GREB1L: variants seen among roughly 807,000 people sequenced by gnomAD.
The protein encoded by GREB1L is GREB1 like retinoic acid receptor coactivator, also known as GREB1-like protein.
In GREB1L, 17 loss-of-function variants were observed where a neutral mutation model predicts 200.8. That is an observed-to-expected ratio of 0.08 (90% confidence interval 0.06 to 0.13). The LOEUF (loss-of-function observed/expected upper bound fraction) is 0.13, where lower values mean the gene tolerates loss of function less well. GREB1L is among the 10% of genes least tolerant of loss of function. The probability of loss-of-function intolerance (pLI) is 1.00; values close to 1 mark genes in which losing one functional copy is unlikely to be tolerated. For missense variants in GREB1L, 1,657 were observed against 2,367.7 expected, an observed-to-expected ratio of 0.70 and a Z score of 6.23; for synonymous variants, 789 against 893.0, an observed-to-expected ratio of 0.88 and a Z score of 2.08.
intron 1 of GREB1L, among the ~76,000 whole-genome samples, chr18:21,306,806 A>AT (rs2144748843): frequency 6.6e-6 from 1 of 152,370 alleles, no homozygotes; most frequent in Admixed American, 6.5e-5. Context: ...TAAATTGGGC[A>AT]TATGCCTATG....
At chr18:21,384,589 A>G (rs1206019271) in intron 4 of GREB1L, among the ~76,000 whole-genome samples, 186 bp downstream of exon 4, 2 of 152,238 alleles carry the variant, frequency 1.3e-5, no homozygotes, top group East Asian at 3.8e-4. Flanking sequence ...TAAGAAAGAC[A>G]AGTATTATCA....
intron 1 of GREB1L, among the ~76,000 whole-genome samples, chr18:21,309,519 A>T (rs1336129656): frequency 6.6e-6 from 1 of 152,204 alleles, no homozygotes; most frequent in East Asian, 1.9e-4. Flanking sequence ...CAACTGGGGC[A>T]CTGCACGATG....
chr18:21,458,259 C>T (rs2034869419), intron 15 of GREB1L, among the ~76,000 whole-genome samples: 1 of 152,114 alleles, frequency 6.6e-6, no homozygotes, highest in East Asian at 1.9e-4. Context: ...GTGTGAGCCA[C>T]CGCGCCCGGC....
intron 1 of GREB1L, among the ~76,000 whole-genome samples, chr18:21,252,515 C>T (rs139098978): frequency 0.014 from 1,944 of 143,866 alleles, 45 homozygotes; most frequent in African/African-American, 0.049. Flanking sequence ...CGAGATCGCA[C>T]CATTGCACTC....
At chr18:21,316,298 G>A (rs2038867789) in intron 1 of GREB1L, among the ~76,000 whole-genome samples, 1 of 152,018 alleles carries the variant, frequency 6.6e-6, no homozygotes, top group Non-Finnish European at 1.5e-5. Flanking sequence ...TTATTTATTG[G>A]CAAAAGTAGG....
chr18:21,329,351 A>G (rs1450300907), intron 1 of GREB1L, among the ~76,000 whole-genome samples: 1 of 151,122 alleles, frequency 6.6e-6, no homozygotes, highest in Non-Finnish European at 1.5e-5. Context: ...AAAAAATTGT[A>G]ATGGACCATA....
chr18:21,451,179 TG>T, intron 13 of GREB1L, 28 bp downstream of exon 13: 2 of 1,549,414 alleles, frequency 1.3e-6, no homozygotes, highest in Non-Finnish European at 8.7e-7. Context: ...TTGGCAACAC[TG>T]GCAGCCCCTA....
At chr18:21,502,832 G>A (rs1433141504) in intron 23 of GREB1L, among the ~76,000 whole-genome samples, 4 of 152,188 alleles carry the variant, frequency 2.6e-5, no homozygotes, top group Non-Finnish European at 4.4e-5. Flanking sequence ...GCAGAGTGAT[G>A]CCTTTGATTT....
chr18:21,481,255 C>A (rs1442784477), intron 17 of GREB1L, among the ~76,000 whole-genome samples: 1 of 151,890 alleles, frequency 6.6e-6, no homozygotes, highest in Admixed American at 6.6e-5. Context: ...GGAGGAGGCA[C>A]TCCTGGCAGC....
intron 15 of GREB1L, among the ~76,000 whole-genome samples, chr18:21,458,743 C>T (rs758889310): frequency 2.0e-5 from 3 of 152,200 alleles, no homozygotes; most frequent in Non-Finnish European, 4.4e-5. Context: ...GCGGGTTTAA[C>T]ATCTTTTAAG....
rs565869890 is a variant in GREB1L at position 21,322,232 on chromosome 18, C to A, written c.-119-43795C>A. Among the ~76,000 whole-genome samples the A allele has an allele frequency of 9.9e-5, 15 of 151,968 alleles. No individual in the cohort carries two copies. In the South Asian group the frequency reaches 3.1e-3, roughly 32 times the overall value. ...GAGGAAAATAAATCATTTAGATTAA[C>A]AAGTAAAGGAAAAAAACAAAAAAGC... On this transcript the variant is annotated intron_variant, in intron 1 of 32. Coordinates refer to ENST00000424526, the MANE Select transcript of GREB1L (RefSeq NM_001142966.3).
At chr18:21,476,046 A>T (rs1359920370) in intron 16 of GREB1L, among the ~76,000 whole-genome samples, 7 of 146,004 alleles carry the variant, frequency 4.8e-5, no homozygotes, top group Non-Finnish European at 1.1e-4. Flanking sequence ...TCTAGTAATT[A>T]TCTGGTAGGG....
At chr18:21,280,425 G>A (rs868509100) in intron 1 of GREB1L, among the ~76,000 whole-genome samples, 32 of 149,722 alleles carry the variant, frequency 2.1e-4, no homozygotes, top group Non-Finnish European at 5.9e-5. Context: ...ATATTCCATG[G>A]TGTGGATGTA....
chr18:21,495,578 C>T (rs551397068), intron 19 of GREB1L, 92 bp from the exon 20 acceptor site: 12 of 701,828 alleles, frequency 1.7e-5, no homozygotes, highest in Admixed American at 2.8e-5. Context: ...TTTGAAAGCA[C>T]AGTGTGTCTA....
chr18:21,288,429 G>A (rs543711893), intron 1 of GREB1L, among the ~76,000 whole-genome samples: 1 of 152,264 alleles, frequency 6.6e-6, no homozygotes, highest in Admixed American at 6.5e-5. Context: ...GGGCTGACCA[G>A]TCAGCACCAG....
chr18:21,290,275 C>G (rs1397469211), intron 1 of GREB1L, among the ~76,000 whole-genome samples: 1 of 152,146 alleles, frequency 6.6e-6, no homozygotes, highest in East Asian at 1.9e-4. Flanking sequence ...TACCATATTC[C>G]TTTTAAGGAT....
intron 11 of GREB1L, among the ~76,000 whole-genome samples, chr18:21,445,265 G>T (rs1242305267): frequency 1.3e-5 from 2 of 152,176 alleles, no homozygotes; most frequent in African/African-American, 4.8e-5. Flanking sequence ...ACCTGAGGTG[G>T]GGAGTTCGAG....
intron 2 of GREB1L, among the ~76,000 whole-genome samples, chr18:21,380,875 T>G (rs1036211009): frequency 1.4e-5 from 2 of 142,976 alleles, no homozygotes; most frequent in East Asian, 4.3e-4. Context: ...CTGAGGCGGG[T>G]GGATCACGAG....
At chr18:21,420,139 G>A (rs1028524270) in intron 7 of GREB1L, among the ~76,000 whole-genome samples, 19 of 152,276 alleles carry the variant, frequency 1.2e-4, no homozygotes, top group East Asian at 7.7e-4. Context: ...TTGGGAGGCC[G>A]AGGCGGGCAG....
Sources: gnomAD v4.1 joint callset for allele counts (sites outside exome capture counted in the v4.1 genomes callset) on GRCh38, gnomAD v4.1.1 for gene constraint, MANE v1.5 for transcripts, NCBI Gene and HGNC (gene_info 2026-07-23, HGNC 2026-07-21) for gene names.